The following ERC1 variants were observed in gnomAD, a reference collection of about 807,000 sequenced individuals.
ERC1 encodes the protein RAB6 interacting protein 2.
Under a neutral mutation model 132.0 loss-of-function variants are expected in ERC1, and 56 were observed. That is an observed-to-expected ratio of 0.42 (90% confidence interval 0.34 to 0.53). ERC1 has a LOEUF of 0.53. ERC1 is among the 20% of genes least tolerant of loss of function. The pLI is 0.03. For missense variants in ERC1, 1,202 were observed against 1,349.9 expected, an observed-to-expected ratio of 0.89 and a Z score of 1.72; for synonymous variants, 478 against 476.1, an observed-to-expected ratio of 1.00 and a Z score of -0.05.
chr12:1,093,955 T>TTTTATATATATATATATATATATA (rs1469024496), intron 3 of ERC1, among the ~76,000 whole-genome samples: 2 of 16,138 alleles, frequency 1.2e-4, no homozygotes, highest in Non-Finnish European at 3.6e-4. Flanking sequence ...ATATATATTT[T>TTTTATATATATATATATATATATA]TCTATATATA....
At chr12:1,268,472 C>A (rs187295706) in intron 14 of ERC1, among the ~76,000 whole-genome samples, 3 of 152,266 alleles carry the variant, frequency 2.0e-5, no homozygotes, top group East Asian at 1.9e-4. Context: ...GATGAACTTA[C>A]AATTATGGTT....
chr12:1,461,804 C>T (rs777346909), intron 18 of ERC1, among the ~76,000 whole-genome samples: 2 of 152,044 alleles, frequency 1.3e-5, no homozygotes, highest in African/African-American at 4.8e-5. Flanking sequence ...AAACTACCCC[C>T]AATTCAGCAG....
At chr12:1,464,623 A>C (rs2093707297) in intron 18 of ERC1, among the ~76,000 whole-genome samples, 1 of 148,634 alleles carries the variant, frequency 6.7e-6, no homozygotes, top group East Asian at 2.0e-4. Flanking sequence ...GAGTTCAAGC[A>C]ATTCTCCTGC....
intron 18 of ERC1, among the ~76,000 whole-genome samples, chr12:1,481,865 C>T (rs555466251): frequency 2.3e-4 from 35 of 152,296 alleles, no homozygotes; most frequent in African/African-American, 8.2e-4. Flanking sequence ...TTACACCCTC[C>T]TGGCATGTGT....
At chr12:1,459,889 A>G (rs2154420844) in intron 18 of ERC1, among the ~76,000 whole-genome samples, 1 of 152,352 alleles carries the variant, frequency 6.6e-6, no homozygotes, top group African/African-American at 2.4e-5. Context: ...AATCACCTGA[A>G]TTTAACACCA....
chr12:1,145,142 G>T (rs1950233005), intron 8 of ERC1, among the ~76,000 whole-genome samples: 1 of 151,760 alleles, frequency 6.6e-6, no homozygotes, highest in African/African-American at 2.4e-5. Context: ...TCAGCCTCCT[G>T]AGTAGCTGGG....
intron 14 of ERC1, among the ~76,000 whole-genome samples, chr12:1,289,011 CT>C (rs2079223997): frequency 7.2e-6 from 1 of 139,382 alleles, no homozygotes; most frequent in Non-Finnish European, 1.5e-5. Flanking sequence ...TTTTTCAGGT[CT>C]GTTGCTGTCA....
chr12:1,002,313 A>G (rs1343553524), intron 1 of ERC1, among the ~76,000 whole-genome samples: 2 of 149,750 alleles, frequency 1.3e-5, no homozygotes, highest in Admixed American at 1.3e-4. Flanking sequence ...AACTGGGACT[A>G]CAGGTGCATA....
At chr12:1,313,355 C>T (rs923202952) in intron 15 of ERC1, among the ~76,000 whole-genome samples, 1 of 152,106 alleles carries the variant, frequency 6.6e-6, no homozygotes, top group Non-Finnish European at 1.5e-5. Flanking sequence ...TGGAATATCA[C>T]GTTTTAGTTG....
rs530921270 is a variant in ERC1 at position 1,282,901 on chromosome 12, TTTC to T, written c.2620-6945_2620-6943del. On this transcript the variant is annotated intron_variant, in intron 14 of 18. Coordinates refer to ENST00000360905, the MANE Select transcript of ERC1 (RefSeq NM_178040.4). The stretch of plus-strand genomic sequence containing the variant: ...ACCACTCCCTTTTTCTTCTAATTGT[TTTC>T]TTCTTGTGGAGACTTACGCCTTTTA... 5.9e-5 allele frequency among the ~76,000 whole-genome samples: 9 copies of T among 152,288 alleles called. No individual in the cohort carries two copies. The East Asian group carries it at 1.7e-3, about 29-fold the overall frequency.
chr12:1,488,153 A>G (rs1262272458), intron 18 of ERC1, among the ~76,000 whole-genome samples: 7 of 150,608 alleles, frequency 4.6e-5, no homozygotes, highest in African/African-American at 1.7e-4. Context: ...AAAAAAAAAA[A>G]AAAAAAAAAG....
At chr12:1,392,233 C>A in intron 16 of ERC1, among the ~76,000 whole-genome samples, 1 of 152,122 alleles carries the variant, frequency 6.6e-6, no homozygotes, top group East Asian at 1.9e-4. Flanking sequence ...ACCTACTCAA[C>A]AGGAGTTGCT....
In ERC1 at chr12:1,289,986, A is replaced by G; in HGVS notation, c.2754A>G (p.Lys918=). The G allele has an allele frequency of 1.2e-6, 2 of 1,614,080 alleles. No homozygotes were observed. Among genetic ancestry groups the G allele is most frequent in the Non-Finnish European group, 1.7e-6 (2 of 1,179,946 alleles). ...CTAATCTTCGGGCAGAGAGAAGGAA[A>G]CACTTAGAGGAAGTTCTGGAGATGA... The part of the protein sequence containing the change: ...HLTNLRAERR[K]HLEEVLEMKQ... Residue 918 remains lysine, a synonymous_variant, in exon 15 of 19, where the codon AAA becomes AAG. Coordinates refer to ENST00000360905, the MANE Select transcript of ERC1 (RefSeq NM_178040.4).
At chr12:1,200,761 T>C (rs952853903) in intron 12 of ERC1, among the ~76,000 whole-genome samples, 1 of 152,078 alleles carries the variant, frequency 6.6e-6, no homozygotes, top group Non-Finnish European at 1.5e-5. Flanking sequence ...GGTTTCACCG[T>C]GTTAGCCAGG....
intron 17 of ERC1, among the ~76,000 whole-genome samples, chr12:1,415,913 A>G (rs1333853527): frequency 1.3e-5 from 2 of 152,230 alleles, no homozygotes; most frequent in African/African-American, 2.4e-5. Context: ...AGCATTTACT[A>G]TAGGTCCAGC....
At chr12:1,333,207 G>A (rs34904059) in intron 15 of ERC1, among the ~76,000 whole-genome samples, 8,960 of 150,610 alleles carry the variant, frequency 0.059, 372 homozygotes, top group East Asian at 0.12. Flanking sequence ...GTGGTATTTG[G>A]TTTTCTGTTC....
chr12:1,034,771 C>T (rs772864502), intron 2 of ERC1, among the ~76,000 whole-genome samples: 5 of 152,196 alleles, frequency 3.3e-5, no homozygotes, highest in Non-Finnish European at 5.9e-5. Context: ...ATTGTTTATG[C>T]CTGTACTTCA....
intron 2 of ERC1, among the ~76,000 whole-genome samples, chr12:1,079,308 TAGAA>T (rs1941861739): frequency 6.8e-6 from 1 of 146,860 alleles, no homozygotes; most frequent in South Asian, 2.2e-4. Flanking sequence ...GAGATACAGA[TAGAA>T]ATGATTTGTA....
intron 12 of ERC1, among the ~76,000 whole-genome samples, chr12:1,233,893 T>C (rs1465833524): frequency 6.6e-6 from 1 of 152,230 alleles, no homozygotes; most frequent in Non-Finnish European, 1.5e-5. Flanking sequence ...AAATAAACTT[T>C]GATTCAAATG....
Sources: allele counts gnomAD v4.1 joint callset (sites outside exome capture counted in the v4.1 genomes callset), GRCh38; gene constraint gnomAD v4.1.1; transcripts MANE v1.5; gene names NCBI Gene and HGNC (gene_info 2026-07-23, HGNC 2026-07-21).